The following EYS variants were observed in gnomAD, a reference collection of about 807,000 sequenced individuals.
EYS encodes EGF-like photoreceptor maintenance factor.
EYS carries 250 observed loss-of-function variants against 282.1 expected under a neutral mutation model. That is an observed-to-expected ratio of 0.89 (90% CI 0.80 to 0.98). The LOEUF (loss-of-function observed/expected upper bound fraction) is 0.98, where lower values mean the gene tolerates loss of function less well. Ranked by LOEUF, EYS falls within the 50% of genes least tolerant of loss-of-function variation. EYS has a pLI of 0.00. For synonymous variants in EYS, 1,355 were observed against 1,282.9 expected (o/e 1.06, Z -1.20); for missense variants, 4,016 against 3,709.0 (o/e 1.08, Z -2.15).
chr6:65,329,675 A>G, intron 11 of EYS: 3 of 981,850 alleles, frequency 3.1e-6, no homozygotes, highest in Non-Finnish European at 3.6e-6. Context: ...AAAACCAACT[A>G]TTCAACTTGT....
intron 12 of EYS, among the ~76,000 whole-genome samples, chr6:65,137,313 A>C (rs558003728): frequency 1.3e-5 from 2 of 152,224 alleles, no homozygotes; most frequent in East Asian, 3.9e-4. Flanking sequence ...GCAGTGCGGA[A>C]AGACCATTCC....
At chr6:65,565,942 C>T (rs1216963562) in intron 2 of EYS, among the ~76,000 whole-genome samples, 1 of 151,794 alleles carries the variant, frequency 6.6e-6, no homozygotes, top group Non-Finnish European at 1.5e-5. Context: ...ACACCAGGGC[C>T]TGTTGTGGGG....
chr6:64,689,212 C>T (rs1008288435), intron 22 of EYS, among the ~76,000 whole-genome samples: 4 of 152,030 alleles, frequency 2.6e-5, no homozygotes, highest in Admixed American at 2.6e-4. Context: ...GAGTGAACTC[C>T]CATTCACAAT....
chr6:65,524,732 G>A (rs138641777), intron 2 of EYS, among the ~76,000 whole-genome samples: 35 of 152,348 alleles, frequency 2.3e-4, no homozygotes, highest in Admixed American at 2.6e-4. Context: ...TGATAGAAAT[G>A]TATTCTGTAA....
chr6:63,946,830 AT>A (rs1765412651), intron 35 of EYS, among the ~76,000 whole-genome samples: 1 of 150,932 alleles, frequency 6.6e-6, no homozygotes, highest in Non-Finnish European at 1.5e-5. Context: ...ATCTTTAAGG[AT>A]TCTGGATAAA....
intron 28 of EYS, among the ~76,000 whole-genome samples, chr6:64,403,517 C>T (rs942424229): frequency 3.3e-5 from 5 of 151,954 alleles, no homozygotes; most frequent in African/African-American, 4.8e-5. Context: ...GCACCACGCC[C>T]GGCTAATTTT....
intron 2 of EYS, among the ~76,000 whole-genome samples, chr6:65,606,571 C>A (rs2149792773): frequency 6.6e-6 from 1 of 151,864 alleles, no homozygotes; most frequent in East Asian, 1.9e-4. Context: ...TGGACAATGA[C>A]AATCGTAATT....
At chr6:65,206,856 C>A (rs1766049015) in intron 12 of EYS, among the ~76,000 whole-genome samples, 1 of 151,572 alleles carries the variant, frequency 6.6e-6, no homozygotes, top group African/African-American at 2.4e-5. Flanking sequence ...AACAAACTAG[C>A]AATTGAAGGA....
intron 12 of EYS, among the ~76,000 whole-genome samples, chr6:65,120,135 G>A (rs1209873064): frequency 7.4e-6 from 1 of 135,458 alleles, no homozygotes; most frequent in Non-Finnish European, 1.5e-5. Context: ...CTGGGTGACA[G>A]AGCGAGACTC....
At chr6:65,351,482 T>C (rs893030071) in intron 9 of EYS, among the ~76,000 whole-genome samples, 3 of 151,784 alleles carry the variant, frequency 2.0e-5, no homozygotes, top group Non-Finnish European at 4.4e-5. Flanking sequence ...TAAAGTTGAC[T>C]ATATTTGCTC....
At chr6:63,921,483 T>C (rs1350745146) in intron 35 of EYS, among the ~76,000 whole-genome samples, 1 of 152,226 alleles carries the variant, frequency 6.6e-6, no homozygotes, top group Non-Finnish European at 1.5e-5. Context: ...CCTGGTAGTA[T>C]GGTTTTGTGA....
At chr6:64,918,983 T>C (rs551960162) in intron 15 of EYS, among the ~76,000 whole-genome samples, 28 of 152,282 alleles carry the variant, frequency 1.8e-4, no homozygotes, top group African/African-American at 6.5e-4. Context: ...TGCTGAAATA[T>C]AAATTTATGA....
intron 2 of EYS, among the ~76,000 whole-genome samples, chr6:65,602,186 A>C (rs1055250889): frequency 4.0e-5 from 6 of 151,620 alleles, no homozygotes; most frequent in Non-Finnish European, 5.9e-5. Flanking sequence ...CCAAAACTTA[A>C]AATTAAGTAG....
intron 29 of EYS, among the ~76,000 whole-genome samples, chr6:64,376,714 C>G (rs1158609668): frequency 1.3e-5 from 2 of 152,188 alleles, no homozygotes; most frequent in Admixed American, 6.5e-5. Flanking sequence ...TTCCCACAGG[C>G]ACTTTAGACT....
chr6:64,689,636 G>A (rs1209571436), intron 22 of EYS, among the ~76,000 whole-genome samples: 1 of 152,070 alleles, frequency 6.6e-6, no homozygotes, highest in Middle Eastern at 3.4e-3. Context: ...GAGATATAGG[G>A]CAATGGAACA....
At chr6:64,429,743 A>C (rs1372381183) in intron 28 of EYS, among the ~76,000 whole-genome samples, 3 of 152,026 alleles carry the variant, frequency 2.0e-5, no homozygotes, top group Non-Finnish European at 4.4e-5. Flanking sequence ...ATGAAATTTC[A>C]CTCCTACTCT....
At position 63,904,654 on chromosome 6, in the gene EYS, G is replaced by A. The variant is rs1773733585; in HGVS notation, c.7056-40296C>T. 2.0e-5 allele frequency among the ~76,000 whole-genome samples: 3 copies of A among 152,148 alleles called. No homozygotes were observed. The South Asian group carries it at 6.2e-4, about 32-fold the overall frequency. On this transcript the variant is annotated intron_variant, in intron 35 of 42. Transcript: ENST00000503581. ...GGACTCTCCTCTCTGCAGTTCTTGG[G>A]GAAGGAACTGAGAGGTGTCTGTCAT...
intron 15 of EYS, among the ~76,000 whole-genome samples, chr6:64,915,896 T>G (rs923552851): frequency 1.4e-4 from 21 of 152,272 alleles, no homozygotes; most frequent in Non-Finnish European, 2.2e-4. Context: ...CCAGATCTCC[T>G]CCTCTCAAGT....
At chr6:65,646,545 T>C (rs1416728956) in intron 1 of EYS, among the ~76,000 whole-genome samples, 1 of 152,176 alleles carries the variant, frequency 6.6e-6, no homozygotes, top group Non-Finnish European at 1.5e-5. Context: ...AAACCATCTA[T>C]GACATACCCA....
Sources: allele counts gnomAD v4.1 joint callset (sites outside exome capture counted in the v4.1 genomes callset), GRCh38; gene constraint gnomAD v4.1.1; transcripts MANE v1.5; gene names NCBI Gene and HGNC (gene_info 2026-07-23, HGNC 2026-07-21).